WDR7: variants seen among roughly 807,000 people sequenced by gnomAD.
The protein encoded by WDR7 is WD repeat domain 7, also known as WD repeat-containing protein 7.
Under a neutral mutation model 169.4 loss-of-function variants are expected in WDR7, and 46 were observed. The ratio of observed to expected loss-of-function variants is 0.27; its 90% CI spans 0.21 to 0.35. WDR7 has a LOEUF of 0.35. Among genes scored for constraint, WDR7 ranks in the 10% least tolerant of loss-of-function variants. The pLI is 1.00. For missense variants in WDR7, 1,534 were observed against 1,859.3 expected (o/e 0.83, Z 3.22); for synonymous variants, 612 against 666.8 (o/e 0.92, Z 1.27).
intron 19 of WDR7, among the ~76,000 whole-genome samples, chr18:56,784,814 T>C (rs1048665238): frequency 6.6e-6 from 1 of 152,200 alleles, no homozygotes; most frequent in African/African-American, 2.4e-5. Flanking sequence ...AAGTTTTGTA[T>C]TTATGTAAGT....
chr18:56,953,230 A>G (rs910887011), intron 25 of WDR7, among the ~76,000 whole-genome samples: 1 of 152,170 alleles, frequency 6.6e-6, no homozygotes, highest in Non-Finnish European at 1.5e-5. Context: ...AAAAAAGCAT[A>G]TCATCCACTC....
intron 12 of WDR7, among the ~76,000 whole-genome samples, chr18:56,708,233 C>T (rs2026005980): frequency 6.6e-6 from 1 of 151,858 alleles, no homozygotes; most frequent in Admixed American, 6.6e-5. Context: ...GGGGATTCAC[C>T]ATGTTGGCCA....
At chr18:56,758,823 C>A in intron 15 of WDR7, 42 bp from the exon 16 acceptor site, 2 of 1,443,700 alleles carry the variant, frequency 1.4e-6, no homozygotes, top group Non-Finnish European at 9.5e-7. Context: ...GGAAATATGA[C>A]AGTATCAAAA....
intron 20 of WDR7, among the ~76,000 whole-genome samples, chr18:56,816,901 A>G (rs2044980998): frequency 6.6e-6 from 1 of 152,222 alleles, no homozygotes; most frequent in African/African-American, 2.4e-5. Flanking sequence ...AATTGTTGTG[A>G]AGCAACAAAT....
chr18:56,903,836 G>A (rs183654501), intron 21 of WDR7, among the ~76,000 whole-genome samples: 296 of 152,210 alleles, frequency 1.9e-3, no homozygotes, highest in African/African-American at 6.8e-3. Context: ...ATTTTGTTCT[G>A]TTATCCAGAA....
intron 20 of WDR7, 55 bp from the exon 21 acceptor site, chr18:56,879,889 T>C (rs1330775127): frequency 7.1e-7 from 1 of 1,404,454 alleles, no homozygotes; most frequent in African/African-American, 1.4e-5. Flanking sequence ...TCTAATCATG[T>C]GTCTTTTTGT....
intron 14 of WDR7, among the ~76,000 whole-genome samples, chr18:56,744,017 C>T (rs998731583): frequency 6.6e-6 from 1 of 151,888 alleles, no homozygotes; most frequent in Non-Finnish European, 1.5e-5. Flanking sequence ...TTTGGGAGGC[C>T]GAGGCGGACG....
At chr18:56,811,515 A>G (rs1295493264) in intron 19 of WDR7, among the ~76,000 whole-genome samples, 1 of 151,852 alleles carries the variant, frequency 6.6e-6, no homozygotes, top group Non-Finnish European at 1.5e-5. Context: ...CACTTTGCCA[A>G]TTTTTTCTTT....
rs145833111 is a variant in WDR7 at position 56,962,506 on chromosome 18, G to A, written c.4141G>A (p.Asp1381Asn). 3.3e-5 allele frequency: 53 copies of A among 1,612,754 alleles called. No homozygotes were observed. Among genetic ancestry groups the A allele is most frequent in the African/African-American group, 6.7e-5 (5 of 74,808 alleles). Residue 1381 changes from aspartate (D) to asparagine (N), a missense_variant, in exon 26 of 28, where the codon GAC (aspartate) becomes AAC (asparagine). Physicochemically the swap from Asp to Asn is conservative, Grantham distance 23. Transcript: ENST00000254442. The part of the protein sequence containing the change: ...GARHGSVALY[D>N]IRTGKCQTIH... ...TCGCCATGGTTCAGTGGCCCTGTAC[G>A]ACATCCGGACTGGAAAATGTCAGGT...
intron 26 of WDR7, among the ~76,000 whole-genome samples, chr18:56,973,578 G>A (rs2145808822): frequency 6.6e-6 from 1 of 151,840 alleles, no homozygotes; most frequent in South Asian, 2.1e-4. Flanking sequence ...ATTCATTCTG[G>A]ATTCACTGCC....
At chr18:56,852,263 G>A (rs1280007614) in intron 20 of WDR7, among the ~76,000 whole-genome samples, 2 of 152,138 alleles carry the variant, frequency 1.3e-5, no homozygotes, top group Non-Finnish European at 2.9e-5. Context: ...ACTGAGTTTT[G>A]TCCGGGGGCT....
chr18:56,659,023 C>T (rs948794781), intron 1 of WDR7, among the ~76,000 whole-genome samples: 8 of 152,096 alleles, frequency 5.3e-5, no homozygotes, highest in Non-Finnish European at 1.2e-4. Context: ...GCCCCCTGTA[C>T]TTACTTTTAA....
intron 26 of WDR7, among the ~76,000 whole-genome samples, chr18:56,980,766 G>C (rs191409778): frequency 1.2e-3 from 182 of 152,250 alleles, no homozygotes; most frequent in African/African-American, 3.7e-3. Flanking sequence ...CATGTGCAAA[G>C]GCCCTGAGGT....
rs555228173 is a variant in WDR7, at chr18:56,926,969, A to G, written c.3713+2861A>G. ...GGCTGCCCCTTTTTGTGCCTGATTT[A>G]CTGTGTACACAGTAACGGTGCTCAG... On this transcript the variant is annotated intron_variant, in intron 22 of 27. Coordinates refer to ENST00000254442, the MANE Select transcript of WDR7 (RefSeq NM_015285.3). Among the ~76,000 whole-genome samples the G allele has an allele frequency of 1.1e-4, 16 of 152,198 alleles. No homozygotes were observed. In the East Asian group the frequency reaches 3.1e-3, roughly 29 times the overall value.
At chr18:56,954,600 C>T (rs889446227) in intron 25 of WDR7, among the ~76,000 whole-genome samples, 1 of 152,032 alleles carries the variant, frequency 6.6e-6, no homozygotes, top group Non-Finnish European at 1.5e-5. Flanking sequence ...CTGGTGAATA[C>T]TGGGGGTGAT....
chr18:56,661,991 G>T (rs1364363301), intron 1 of WDR7, among the ~76,000 whole-genome samples: 3 of 152,184 alleles, frequency 2.0e-5, no homozygotes, highest in Non-Finnish European at 4.4e-5. Context: ...TGTTCTCTGA[G>T]AATTTGAATA....
intron 20 of WDR7, among the ~76,000 whole-genome samples, chr18:56,827,314 C>T (rs2045224223): frequency 6.6e-6 from 1 of 152,078 alleles, no homozygotes; most frequent in Non-Finnish European, 1.5e-5. Flanking sequence ...AGATGAATGG[C>T]TACAGAAAAT....
chr18:56,959,822 C>T (rs1250341951), intron 25 of WDR7, among the ~76,000 whole-genome samples: 1 of 152,146 alleles, frequency 6.6e-6, no homozygotes, highest in African/African-American at 2.4e-5. Flanking sequence ...TCTTGACAGA[C>T]CTTACATAGA....
chr18:56,978,125 A>G (rs1421517404), intron 26 of WDR7, among the ~76,000 whole-genome samples: 1 of 152,228 alleles, frequency 6.6e-6, no homozygotes, highest in African/African-American at 2.4e-5. Context: ...GTATGAATGC[A>G]AAATACAGGC....
Sources: gnomAD v4.1 joint callset for allele counts (sites outside exome capture counted in the v4.1 genomes callset) on GRCh38, gnomAD v4.1.1 for gene constraint, MANE v1.5 for transcripts, NCBI Gene and HGNC (gene_info 2026-07-23, HGNC 2026-07-21) for gene names.